SCAMP4: variants seen among roughly 807,000 people sequenced by gnomAD.
SCAMP4 encodes the protein secretory carrier-associated membrane protein 4.
In SCAMP4, 19 loss-of-function variants were observed where a neutral mutation model predicts 32.1. The observed-to-expected ratio is 0.59, with a 90% CI of 0.41 to 0.87. SCAMP4 has a LOEUF of 0.87. SCAMP4 is among the 40% of genes least tolerant of loss of function. The pLI, the probability that SCAMP4 is intolerant of heterozygous loss-of-function variation, is 0.00. For missense variants in SCAMP4, 302 were observed against 309.0 expected (o/e 0.98, Z 0.17); for synonymous variants, 152 against 132.7 (o/e 1.15, Z -1.00).
chr19:1,912,396 T>TCGGGC, intron 1 of SCAMP4: 1 of 1,517,124 alleles, frequency 6.6e-7, no homozygotes, highest in Non-Finnish European at 8.8e-7. Context: ...TGGGCCGGCC[T>TCGGGC]CGGGCCCGCG....
At position 1,908,262 on chromosome 19, in the gene SCAMP4, C is replaced by T. The variant is rs1259412054; in HGVS notation, c.-42+2823C>T. On this transcript the variant is annotated intron_variant, in intron 1 of 6. Transcript: ENST00000316097. The surrounding 1 kb of genome is among the most constrained non-coding windows in gnomAD (Gnocchi z 4.2). ...CCTCCGCGCTTCCTGCTCCCGGCTCCCACTGCATCTCCGGTTCTGTGCTTT... is the reference window on the plus strand; with the variant it reads ...CCTCCGCGCTTCCTGCTCCCGGCTCTCACTGCATCTCCGGTTCTGTGCTTT... The T allele has an allele frequency of 3.5e-6, 1 of 283,122 alleles. No homozygotes were observed. Among genetic ancestry groups the T allele is most frequent in the Non-Finnish European group, 7.0e-6 (1 of 142,182 alleles). 17.5% of individuals were successfully genotyped at this position (283,122 alleles called of 1,614,324 possible). A position where few individuals can be genotyped will look rare whatever the true frequency, so the allele number is the denominator to read the frequency against.
At chr19:1,911,268 C>T (rs545360665) in intron 1 of SCAMP4, among the ~76,000 whole-genome samples, 1 of 152,110 alleles carries the variant, frequency 6.6e-6, no homozygotes, top group East Asian at 1.9e-4. Flanking sequence ...AATTTCCGGC[C>T]TCAAGTGCTC....
chr19:1,918,842 G>C (rs749693560), intron 4 of SCAMP4, 47 bp from the exon 5 acceptor site: 1 of 1,567,566 alleles, frequency 6.4e-7, no homozygotes, highest in Non-Finnish European at 8.7e-7. Context: ...GCGCGTCTGG[G>C]AGAAGCCAGG....
At position 1,918,156 on chromosome 19, in the gene SCAMP4, A is replaced by G. The variant is rs549848699; in HGVS notation, c.166A>G (p.Ile56Val). The change falls in exon 4 of 7, where the codon ATT (isoleucine) becomes GTT (valine). Residue 56 changes from isoleucine to valine, a missense_variant. Coordinates refer to ENST00000316097, the MANE Select transcript of SCAMP4 (RefSeq NM_079834.4). ...FYCATLGVNL[I>V]ACLAWWIGGG... ...CTGCGCCACCCTCGGCGTCAACCTC[A>G]TTGCCTGCCTGGCCTGGTGGATCGG... is the stretch of plus-strand genomic sequence containing the variant. 66 of 1,612,844 alleles carry G rather than the reference A, an allele frequency of 4.1e-5. No homozygotes were observed. In the East Asian group the frequency reaches 1.3e-3, roughly 32 times the overall value.
At chr19:1,905,728 TG>T (rs1019760789) in intron 1 of SCAMP4, 1 of 152,444 alleles carries the variant, frequency 6.6e-6, no homozygotes, top group Non-Finnish European at 1.5e-5. Context: ...TTATGGTCGG[TG>T]CGGGAGACCC....
chr19:1,912,280 A>T, intron 1 of SCAMP4: 1 of 1,586,322 alleles, frequency 6.3e-7, no homozygotes, highest in Non-Finnish European at 8.5e-7. Flanking sequence ...CTCCTGAAGG[A>T]GGTGTCGGCC....
Position 1,914,384 on chromosome 19 carries a change from C to A in SCAMP4, c.-41-595C>A, listed in dbSNP as rs576364333. On this transcript the variant is annotated intron_variant, in intron 1 of 6. Coordinates refer to ENST00000316097, the MANE Select transcript of SCAMP4 (RefSeq NM_079834.4). Reference sequence around the variant, plus strand: ...CCGTGCCCGCCCCCTCGGGCCTGTTCCCCTGCCAGGATCTGGGATGGTTCA... The same window carrying A: ...CCGTGCCCGCCCCCTCGGGCCTGTTACCCTGCCAGGATCTGGGATGGTTCA... 1.1e-3 allele frequency: 164 copies of A among 153,524 alleles called. 3 individuals carry two copies. In the South Asian group the frequency reaches 0.032, roughly 30 times the overall value. 9.5% of individuals were successfully genotyped at this position (153,524 alleles called of 1,614,324 possible). A position where few individuals can be genotyped will look rare whatever the true frequency, so the allele number is the denominator to read the frequency against.
At chr19:1,921,493 G>A (rs1472324999) in intron 5 of SCAMP4, 7 of 985,304 alleles carry the variant, frequency 7.1e-6, no homozygotes, top group African/African-American at 3.5e-5. Context: ...ATCAGCGGGC[G>A]CCGCAGCCTC....
At chr19:1,923,968 T>G in intron 6 of SCAMP4, 140 bp from the exon 7 acceptor site, 1 of 263,818 alleles carries the variant, frequency 3.8e-6, no homozygotes, top group Non-Finnish European at 8.4e-6. Context: ...CCATGTTGTT[T>G]GGACTGGTCT....
chr19:1,912,347 CG>C (rs1225385809), intron 1 of SCAMP4: 11 of 1,531,956 alleles, frequency 7.2e-6, no homozygotes, highest in Non-Finnish European at 7.8e-6. Flanking sequence ...GCCGCGATGC[CG>C]GCAGCCCCCA....
chr19:1,923,615 CTTTT>C (rs35226425), intron 6 of SCAMP4, among the ~76,000 whole-genome samples: 164 of 86,476 alleles, frequency 1.9e-3, no homozygotes, highest in Non-Finnish European at 2.9e-3. Context: ...CAGCAAAATG[CTTTT>C]TTTTTTTTTT....
chr19:1,913,310 G>A, intron 1 of SCAMP4: 3 of 1,152,948 alleles, frequency 2.6e-6, no homozygotes, highest in Non-Finnish European at 3.6e-6. Context: ...CGTGCGGATC[G>A]AGCTTTCCTG....
chr19:1,912,644 G>T, intron 1 of SCAMP4: 1 of 1,423,964 alleles, frequency 7.0e-7, no homozygotes, highest in African/African-American at 1.5e-5. Flanking sequence ...CGGTGTGGGC[G>T]GCCCGGCGGG....
intron 5 of SCAMP4, chr19:1,921,661 C>G (rs1300749080): frequency 1.0e-6 from 1 of 985,260 alleles, no homozygotes; most frequent in Non-Finnish European, 1.2e-6. Context: ...AAAATTACAT[C>G]CAAACAGAGG....
chr19:1,906,197 C>CA (rs1264029993), intron 1 of SCAMP4: 8 of 151,868 alleles, frequency 5.3e-5, no homozygotes, highest in Admixed American at 2.0e-4. Context: ...CCATCTCTGC[C>CA]AAAAATACAA....
Position 1,908,187 on chromosome 19 carries a change from A to T in SCAMP4, c.-42+2748A>T. On this transcript the variant is annotated intron_variant, in intron 1 of 6. Transcript: ENST00000316097. The surrounding 1 kb of genome is among the most constrained non-coding windows in gnomAD (Gnocchi z 4.2). ...GGGAGGGCCCAGCGAGTCGGCTGCT[A>T]TGGGCCCCACCTGGCACGGGGCCTC... The T allele has an allele frequency of 3.7e-6, 1 of 272,050 alleles. No individual in the cohort carries two copies. Among genetic ancestry groups the T allele is most frequent in the Non-Finnish European group, 7.3e-6 (1 of 137,500 alleles). 16.9% of individuals were successfully genotyped at this position (272,050 alleles called of 1,614,324 possible). A position where few individuals can be genotyped will look rare whatever the true frequency, so the allele number is the denominator to read the frequency against.
Position 1,924,613 on chromosome 19 carries a change from G to A in SCAMP4, c.*329G>A, listed in dbSNP as rs941828772. The A allele has an allele frequency of 1.3e-4, 43 of 325,680 alleles. No individual in the cohort carries two copies. The highest frequency in any genetic ancestry group is 3.1e-4 in the African/African-American group (15 of 48,150). The allele number at this position is 325,680 out of a possible 1,614,324, so 20.2% of individuals were successfully genotyped here. ...TCTTCAGGTCTCGAGGCCTGACTCCGGGGGACAGGTGGCAGCAGGTCGGCC... is the reference window on the plus strand; with the variant it reads ...TCTTCAGGTCTCGAGGCCTGACTCCAGGGGACAGGTGGCAGCAGGTCGGCC... On this transcript the variant is annotated 3_prime_UTR_variant, in exon 7 of 7. Coordinates refer to ENST00000316097, the MANE Select transcript of SCAMP4 (RefSeq NM_079834.4).
chr19:1,921,134 C>G, intron 5 of SCAMP4: 1 of 985,476 alleles, frequency 1.0e-6, no homozygotes, highest in South Asian at 4.7e-5. Flanking sequence ...AGGCCCCACG[C>G]TCAGTGCGCT....
chr19:1,923,013 C>G, intron 5 of SCAMP4, 57 bp from the exon 6 acceptor site: 1 of 1,478,252 alleles, frequency 6.8e-7, no homozygotes, highest in Non-Finnish European at 9.0e-7. Flanking sequence ...TGGGCCGGAC[C>G]ATGGGCCCTC....
Sources: gnomAD v4.1 joint callset for allele counts (sites outside exome capture counted in the v4.1 genomes callset) on GRCh38, gnomAD v4.1.1 for gene constraint, Gnocchi (gnomAD v3.1) non-coding constraint, MANE v1.5 for transcripts, NCBI Gene and HGNC (gene_info 2026-07-23, HGNC 2026-07-21) for gene names.